The following SLC5A10 variants were observed in gnomAD, a reference collection of about 807,000 sequenced individuals.
SLC5A10 encodes sodium/mannose cotransporter SLC5A10.
In SLC5A10, 55 loss-of-function variants were observed where a neutral mutation model predicts 68.9. The observed-to-expected ratio is 0.80, with a 90% CI of 0.64 to 1.00. The LOEUF is 1.00. SLC5A10 is among the 50% of genes least tolerant of loss of function. SLC5A10 has a pLI of 0.00. For missense variants in SLC5A10, 732 were observed against 819.3 expected (o/e 0.89, Z 1.30); for synonymous variants, 344 against 344.8 (o/e 1.00, Z 0.02).
chr17:18,979,427 G>T, intron 9 of SLC5A10: 2 of 1,256,968 alleles, frequency 1.6e-6, no homozygotes, highest in Non-Finnish European at 2.2e-6. Context: ...CTCCAGCCCT[G>T]CGCACACCTC....
intron 11 of SLC5A10, among the ~76,000 whole-genome samples, chr17:19,015,910 T>A (rs2044129906): frequency 2.0e-5 from 3 of 152,222 alleles, no homozygotes; most frequent in Non-Finnish European, 4.4e-5. Flanking sequence ...TTTGGTTACA[T>A]GAATAAGTTC....
At chr17:18,977,735 G>A in intron 9 of SLC5A10, 1 of 1,607,860 alleles carries the variant, frequency 6.2e-7, no homozygotes, top group Non-Finnish European at 8.5e-7. Flanking sequence ...CCGGCGCGGT[G>A]GTGGGGTTGG....
upstream of SLC5A10, chr17:18,951,975 C>T (rs2042375792): frequency 9.5e-6 from 5 of 525,616 alleles, no homozygotes; most frequent in Non-Finnish European, 1.6e-5. Context: ...CTCCCACTTG[C>T]TTCTCCCAGG....
At chr17:18,982,575 G>A (rs147844937) in intron 9 of SLC5A10, among the ~76,000 whole-genome samples, 1 of 152,334 alleles carries the variant, frequency 6.6e-6, no homozygotes, top group Non-Finnish European at 1.5e-5. Context: ...CGTCAAGGGC[G>A]AGTCAGGGCA....
chr17:19,000,513 C>A lies in SLC5A10; in HGVS notation c.983-12897C>A, dbSNP rs2043704090. ...ATTTGGGAACAGGGGGGACTGACAGCAGTCCTGACAGGAACACAGCCGCTC... is the reference window on the plus strand; with the variant it reads ...ATTTGGGAACAGGGGGGACTGACAGAAGTCCTGACAGGAACACAGCCGCTC... On this transcript the variant is annotated intron_variant, in intron 9 of 14. Coordinates refer to ENST00000395645, the MANE Select transcript of SLC5A10 (RefSeq NM_001042450.4). The surrounding 1 kb of genome is among the most constrained non-coding windows in gnomAD (Gnocchi z 5.2). Among the ~76,000 whole-genome samples the A allele has an allele frequency of 6.6e-6, 1 of 152,176 alleles. No individual in the cohort carries two copies. The highest frequency in any genetic ancestry group is 1.5e-5 in the Non-Finnish European group (1 of 68,024).
At chr17:18,967,366 G>A (rs2042732328) in intron 5 of SLC5A10, among the ~76,000 whole-genome samples, 1 of 152,228 alleles carries the variant, frequency 6.6e-6, no homozygotes, top group Admixed American at 6.5e-5. Context: ...GAGGGAGGCA[G>A]GAGGGAGGGC....
chr17:19,015,872 C>G (rs1450317129), intron 11 of SLC5A10, among the ~76,000 whole-genome samples: 1 of 152,148 alleles, frequency 6.6e-6, no homozygotes, highest in Admixed American at 6.5e-5. Flanking sequence ...TCATGAGGAC[C>G]GGGGCTGTGT....
At chr17:18,977,472 A>G (rs2043008412) in intron 9 of SLC5A10, 1 of 1,069,198 alleles carries the variant, frequency 9.4e-7, no homozygotes, top group East Asian at 2.4e-5. Flanking sequence ...TAACAAGGGA[A>G]TTGAAGTCAT....
intron 5 of SLC5A10, among the ~76,000 whole-genome samples, chr17:18,962,404 C>T (rs1487384949): frequency 6.6e-6 from 1 of 152,070 alleles, no homozygotes; most frequent in African/African-American, 2.4e-5. Context: ...GTCACTAAGT[C>T]AGACACTTCT....
intron 4 of SLC5A10, among the ~76,000 whole-genome samples, chr17:18,960,138 A>G (rs1414444331): frequency 2.0e-5 from 3 of 152,106 alleles, no homozygotes; most frequent in South Asian, 4.1e-4. Context: ...AAGTCCAGTC[A>G]ACTCCACTTC....
chr17:19,015,529 C>T (rs528162600), intron 11 of SLC5A10, among the ~76,000 whole-genome samples: 3 of 152,314 alleles, frequency 2.0e-5, no homozygotes, highest in South Asian at 2.1e-4. Context: ...TTCCCAGCTG[C>T]GCCACAGAGG....
rs1325476579 is a variant in SLC5A10 at position 19,017,427 on chromosome 17, A to G, written c.1242-1996A>G. ...GAATGGCCTGACAACAGTCTCTGTC[A>G]GGGAGAGGCGAGGCTTACAGAGAGA... On this transcript the variant is annotated intron_variant, in intron 11 of 14. Coordinates refer to ENST00000395645, the MANE Select transcript of SLC5A10 (RefSeq NM_001042450.4). The surrounding 1 kb of genome is among the most constrained non-coding windows in gnomAD (Gnocchi z 5.6). 2 of 1,540,134 alleles carry G rather than the reference A, an allele frequency of 1.3e-6. No homozygotes were observed. The highest frequency in any genetic ancestry group is 1.8e-6 in the Non-Finnish European group (2 of 1,136,492).
At chr17:19,002,075 C>T (rs1356315070) in intron 9 of SLC5A10, among the ~76,000 whole-genome samples, 1 of 152,144 alleles carries the variant, frequency 6.6e-6, no homozygotes, top group Non-Finnish European at 1.5e-5. Flanking sequence ...AGGTGTGGGG[C>T]GGGTCTCTCA....
At chr17:18,966,754 A>AG (rs995232805) in intron 5 of SLC5A10, among the ~76,000 whole-genome samples, 1 of 150,642 alleles carries the variant, frequency 6.6e-6, no homozygotes, top group African/African-American at 2.4e-5. Flanking sequence ...CGTCTCAAAA[A>AG]AAAAAAAAAA....
rs2472715 is a variant in SLC5A10 at position 18,976,955 on chromosome 17, C to A, written c.948C>A (p.Ile316=). 0.36 allele frequency: 575,369 copies of A among 1,613,064 alleles called. 106,310 individuals carry two copies. Among genetic ancestry groups the A allele is most frequent in the Non-Finnish European group, 0.38 (451,011 of 1,179,874 alleles). ...YLKMLPMGLI[I]MPGMISRALF... ...AGATGCTCCCCATGGGCCTGATCATCATGCCGGGCATGATCAGCCGCGCAT... is the reference window on the plus strand; with the variant it reads ...AGATGCTCCCCATGGGCCTGATCATAATGCCGGGCATGATCAGCCGCGCAT... Residue 316 remains isoleucine (I), a synonymous_variant, in exon 9 of 15, where the codon ATC becomes ATA. Transcript: ENST00000395645.
At chr17:18,981,746 T>G (rs1370429945) in intron 9 of SLC5A10, among the ~76,000 whole-genome samples, 3 of 152,210 alleles carry the variant, frequency 2.0e-5, no homozygotes, top group Non-Finnish European at 4.4e-5. Context: ...GATAAGCCTC[T>G]GCTCCCAGGG....
intron 9 of SLC5A10, among the ~76,000 whole-genome samples, chr17:19,002,594 T>C (rs1238563091): frequency 6.6e-6 from 1 of 152,226 alleles, no homozygotes; most frequent in African/African-American, 2.4e-5. Context: ...AGAATCCTTC[T>C]CAACACAGCT....
At chr17:18,958,659 C>T (rs1324857709) in intron 1 of SLC5A10, 23 bp from the exon 2 acceptor site, 1 of 1,613,402 alleles carries the variant, frequency 6.2e-7, no homozygotes, top group Admixed American at 1.7e-5. Context: ...CTTCCAACTC[C>T]TGTCCCTTTT....
intron 9 of SLC5A10, among the ~76,000 whole-genome samples, chr17:19,012,957 C>T (rs1049749045): frequency 1.3e-5 from 2 of 152,110 alleles, no homozygotes; most frequent in Admixed American, 6.5e-5. Flanking sequence ...TGGACAGACG[C>T]GACTTGTTGA....
Sources: allele counts gnomAD v4.1 joint callset (sites outside exome capture counted in the v4.1 genomes callset), GRCh38; gene constraint gnomAD v4.1.1; non-coding constraint Gnocchi (gnomAD v3.1); transcripts MANE v1.5; gene names NCBI Gene and HGNC (gene_info 2026-07-23, HGNC 2026-07-21).